The following HEMK2 variants were observed in gnomAD, a reference collection of about 807,000 sequenced individuals.
HEMK2 encodes the protein HemK methyltransferase 2, ETF1 glutamine and histone H4 lysine.
chr21:28,661,429 T>C, the HEMK2 span, among the ~76,000 whole-genome samples: 4 of 152,084 alleles, frequency 2.6e-5, no homozygotes, highest in Admixed American at 2.0e-4. Flanking sequence ...TTTTTAAATA[T>C]ATGGGATTTT....
At chr21:28,781,448 C>T in the HEMK2 span, among the ~76,000 whole-genome samples, 1 of 143,106 alleles carries the variant, frequency 7.0e-6, no homozygotes, top group South Asian at 2.4e-4. Context: ...GTTCAGAGCT[C>T]CCCAAGATCA....
At chr21:28,735,207 T>C in the HEMK2 span, among the ~76,000 whole-genome samples, 2 of 152,190 alleles carry the variant, frequency 1.3e-5, no homozygotes, top group Non-Finnish European at 1.5e-5. Context: ...AACACAACAC[T>C]CATTTACTAG....
At chr21:28,661,043 T>C in the HEMK2 span, among the ~76,000 whole-genome samples, 4 of 152,238 alleles carry the variant, frequency 2.6e-5, no homozygotes, top group East Asian at 7.7e-4. Context: ...ATATCTTACC[T>C]TTCTCATCTC....
the HEMK2 span, among the ~76,000 whole-genome samples, chr21:28,676,520 T>A: frequency 6.6e-6 from 1 of 151,432 alleles, no homozygotes; most frequent in African/African-American, 2.4e-5. Context: ...TCCTGAAAGA[T>A]CAAAATCCTG....
the HEMK2 span, among the ~76,000 whole-genome samples, chr21:28,822,606 C>T: frequency 2.0e-5 from 3 of 151,086 alleles, no homozygotes; most frequent in African/African-American, 7.3e-5. Context: ...TATATATATC[C>T]CTGAGCCCTC....
chr21:28,831,518 A>AGAAAGAAGGAAAGAAG, the HEMK2 span, among the ~76,000 whole-genome samples: 19 of 76,718 alleles, frequency 2.5e-4, 1 homozygote, highest in African/African-American at 9.4e-4. Flanking sequence ...AAAGAAAGAA[A>AGAAAGAAGGAAAGAAG]GAAAGAAGGA....
chr21:28,815,841 C>T, the HEMK2 span, among the ~76,000 whole-genome samples: 15 of 152,284 alleles, frequency 9.9e-5, no homozygotes, highest in African/African-American at 2.6e-4. Flanking sequence ...GTAAACCATA[C>T]ATATAGTTGT....
chr21:28,831,667 G>GAA, the HEMK2 span, among the ~76,000 whole-genome samples: 1 of 55,764 alleles, frequency 1.8e-5, no homozygotes, highest in Non-Finnish European at 3.3e-5. Flanking sequence ...AAGAAAGAAA[G>GAA]AAAGAAAGAA....
At chr21:28,686,901 T>C in the HEMK2 span, among the ~76,000 whole-genome samples, 2 of 152,260 alleles carry the variant, frequency 1.3e-5, no homozygotes, top group Admixed American at 1.3e-4. Context: ...CCAATCCATA[T>C]GTTCAAAATA....
the HEMK2 span, among the ~76,000 whole-genome samples, chr21:28,675,262 AT>A: frequency 6.6e-6 from 1 of 152,202 alleles, no homozygotes; most frequent in Non-Finnish European, 1.5e-5. Context: ...TAAACAATAC[AT>A]TTATTCAAAC....
the HEMK2 span, among the ~76,000 whole-genome samples, chr21:28,738,604 G>A: frequency 2.0e-5 from 3 of 152,168 alleles, no homozygotes; most frequent in Admixed American, 6.5e-5. Context: ...TCTGTGACCC[G>A]GGAAACAGTC....
chr21:28,733,090 T>G, the HEMK2 span, among the ~76,000 whole-genome samples: 1 of 152,094 alleles, frequency 6.6e-6, no homozygotes, highest in Admixed American at 6.5e-5. Flanking sequence ...CCATCCTGGC[T>G]AACACGGTGA....
the HEMK2 span, among the ~76,000 whole-genome samples, chr21:28,881,625 A>ATTTTTTT: frequency 9.9e-6 from 1 of 100,798 alleles, no homozygotes. Context: ...GAAGCCATCA[A>ATTTTTTT]TTTTTTTTTT....
chr21:28,738,010 T>C, the HEMK2 span, among the ~76,000 whole-genome samples: 21,898 of 152,188 alleles, frequency 0.14, 1,797 homozygotes, highest in East Asian at 0.25. Flanking sequence ...GAGAGGGCAT[T>C]ATGGGAGGGC....
chr21:28,695,452 C>A, the HEMK2 span, among the ~76,000 whole-genome samples: 4 of 152,214 alleles, frequency 2.6e-5, no homozygotes, highest in African/African-American at 9.6e-5. Context: ...CTCAGTTCAG[C>A]ATAGCTAGGG....
chr21:28,659,408 C>T, the HEMK2 span, among the ~76,000 whole-genome samples: 33,370 of 151,876 alleles, frequency 0.22, 4,063 homozygotes, highest in East Asian at 0.38. Flanking sequence ...TTTTGATAAC[C>T]ATTTTAGCAG....
the HEMK2 span, chr21:28,671,367 T>C: frequency 9.5e-3 from 1,440 of 152,294 alleles, 22 homozygotes; most frequent in Non-Finnish European, 0.012. Context: ...TGGGCCCTAA[T>C]CATGAGAGGA....
At chr21:28,676,297 T>TAC in the HEMK2 span, among the ~76,000 whole-genome samples, 5 of 152,204 alleles carry the variant, frequency 3.3e-5, no homozygotes, top group African/African-American at 1.2e-4. Flanking sequence ...TGGTAGTCCC[T>TAC]CTGTGTGTGT....
At chr21:28,828,322 G>A in the HEMK2 span, among the ~76,000 whole-genome samples, 1 of 152,144 alleles carries the variant, frequency 6.6e-6, no homozygotes, top group Admixed American at 6.6e-5. Flanking sequence ...CTTATCATGA[G>A]AGATTTCAAG....
Sources: allele counts gnomAD v4.1 joint callset (sites outside exome capture counted in the v4.1 genomes callset), GRCh38; gene constraint gnomAD v4.1.1; transcripts MANE v1.5; gene names NCBI Gene and HGNC (gene_info 2026-07-23, HGNC 2026-07-21).